Variants in CNTNAP2 observed in about 807,000 individuals in gnomAD.
CNTNAP2 encodes the protein contactin-associated protein-like 2.
CNTNAP2 carries 98 observed loss-of-function variants against 155.2 expected under a neutral mutation model. The ratio of observed to expected loss-of-function variants is 0.63; its 90% confidence interval spans 0.54 to 0.75. CNTNAP2 has a LOEUF of 0.75. CNTNAP2 is among the 30% of genes least tolerant of loss of function. CNTNAP2 has a pLI of 0.00. For missense variants in CNTNAP2, 1,727 were observed against 1,688.1 expected, an observed-to-expected ratio of 1.02 and a Z score of -0.40; for synonymous variants, 651 against 631.2, an observed-to-expected ratio of 1.03 and a Z score of -0.47.
intron 21 of CNTNAP2, among the ~76,000 whole-genome samples, chr7:148,361,453 G>C (rs1377100733): frequency 6.6e-6 from 1 of 152,158 alleles, no homozygotes; most frequent in Non-Finnish European, 1.5e-5. Context: ...TCTGAAATCA[G>C]GGTGTCAGTA....
At chr7:147,202,797 G>T (rs541409710) in intron 8 of CNTNAP2, among the ~76,000 whole-genome samples, 20 of 151,966 alleles carry the variant, frequency 1.3e-4, no homozygotes, top group African/African-American at 3.4e-4. Context: ...GGGCCTGTAG[G>T]GGGGTAGGGG....
rs181342120 is a variant in CNTNAP2, at chr7:147,541,018, C to A, written c.1778-21120C>A. Reference sequence around the variant, plus strand: ...AACTGCAATAACTTAGAATGATTTCCACTAAAGATACTTAAAATAAAATGA... The same window carrying A: ...AACTGCAATAACTTAGAATGATTTCAACTAAAGATACTTAAAATAAAATGA... On this transcript the variant is annotated intron_variant, in intron 11 of 23. Transcript: ENST00000361727. 2.4e-4 allele frequency among the ~76,000 whole-genome samples: 37 copies of A among 152,222 alleles called. 1 individual carries two copies. Among genetic ancestry groups the A allele is most frequent in the Admixed American group, 6.5e-4 (10 of 15,286 alleles).
intron 15 of CNTNAP2, among the ~76,000 whole-genome samples, chr7:148,012,297 T>G (rs1802095434): frequency 6.6e-6 from 1 of 152,252 alleles, no homozygotes; most frequent in African/African-American, 2.4e-5. Flanking sequence ...AGACACTTGT[T>G]AATTTTTATG....
At chr7:146,858,581 C>T (rs535477989) in intron 3 of CNTNAP2, among the ~76,000 whole-genome samples, 1 of 152,134 alleles carries the variant, frequency 6.6e-6, no homozygotes, top group Non-Finnish European at 1.5e-5. Context: ...GTAGTTCCAG[C>T]TCCTCATGAG....
intron 3 of CNTNAP2, among the ~76,000 whole-genome samples, chr7:146,997,363 T>C (rs1327612402): frequency 2.6e-5 from 4 of 152,182 alleles, no homozygotes; most frequent in Non-Finnish European, 5.9e-5. Flanking sequence ...GTTAGTGTGA[T>C]GTGTCACATT....
chr7:146,504,954 C>T (rs373201871), intron 1 of CNTNAP2, among the ~76,000 whole-genome samples: 5 of 152,242 alleles, frequency 3.3e-5, no homozygotes, highest in South Asian at 4.1e-4. Flanking sequence ...AACCACCCCA[C>T]GGTGACATTA....
At chr7:148,033,375 TG>T (rs1387145386) in intron 15 of CNTNAP2, among the ~76,000 whole-genome samples, 1 of 145,142 alleles carries the variant, frequency 6.9e-6, no homozygotes, top group Admixed American at 6.9e-5. Flanking sequence ...AAAAAAAAAA[TG>T]GGATACATGT....
chr7:146,656,141 A>G (rs1470815123), intron 1 of CNTNAP2, among the ~76,000 whole-genome samples: 2 of 152,192 alleles, frequency 1.3e-5, no homozygotes, highest in Non-Finnish European at 2.9e-5. Context: ...ACAACCTTCA[A>G]TCATTCTGAC....
rs562970978 is a variant in CNTNAP2 at position 147,990,800 on chromosome 7, C to A, written c.2383+12811C>A. On this transcript the variant is annotated intron_variant, in intron 15 of 23. Transcript: ENST00000361727. ...CACCAACCAGTGACGCTCACCCAGG[C>A]TTTGGGTGTTCAATGATTTATTGGG... is the stretch of plus-strand genomic sequence containing the variant. Among the ~76,000 whole-genome samples, 73 of 152,228 alleles carry A rather than the reference C, an allele frequency of 4.8e-4. 2 individuals are homozygous for A. In the South Asian group the frequency reaches 0.014, roughly 29 times the overall value.
At chr7:146,638,413 A>C (rs1285529863) in intron 1 of CNTNAP2, among the ~76,000 whole-genome samples, 2 of 151,772 alleles carry the variant, frequency 1.3e-5, no homozygotes, top group Non-Finnish European at 2.9e-5. Flanking sequence ...TAGCATATTA[A>C]AATATGCAGA....
chr7:146,609,378 C>T (rs888404266), intron 1 of CNTNAP2, among the ~76,000 whole-genome samples: 13 of 152,056 alleles, frequency 8.5e-5, no homozygotes, highest in Non-Finnish European at 1.5e-4. Flanking sequence ...TTATATTTTT[C>T]TTCCACATAG....
At chr7:148,109,317 A>C (rs571824447) in intron 15 of CNTNAP2, among the ~76,000 whole-genome samples, 2 of 152,152 alleles carry the variant, frequency 1.3e-5, no homozygotes, top group South Asian at 4.1e-4. Context: ...TCACCACCCA[A>C]TAAGAGATGC....
chr7:148,217,205 C>G, intron 18 of CNTNAP2, 83 bp from the exon 19 acceptor site: 11 of 1,382,090 alleles, frequency 8.0e-6, no homozygotes, highest in Non-Finnish European at 1.1e-5. Flanking sequence ...TGCCTGCACT[C>G]CATGAACTGC....
chr7:147,629,994 A>G (rs1203730918), intron 12 of CNTNAP2, among the ~76,000 whole-genome samples: 1 of 152,086 alleles, frequency 6.6e-6, no homozygotes, highest in Non-Finnish European at 1.5e-5. Flanking sequence ...AACTAAATGA[A>G]ATACAAACAA....
rs550748106 is a variant in CNTNAP2, at chr7:148,081,051, T to A, written c.2384-37067T>A. On this transcript the variant is annotated intron_variant, in intron 15 of 23. Transcript: ENST00000361727. The stretch of plus-strand genomic sequence containing the variant: ...TTGAGCATTTATATCATGCATCTGC[T>A]AAGTACTGCAATGGAAACAAGGATA... Among the ~76,000 whole-genome samples, 352 of 152,334 alleles carry A rather than the reference T, an allele frequency of 2.3e-3. 1 individual carries two copies. Among genetic ancestry groups the A allele is most frequent in the African/African-American group, 8.0e-3 (334 of 41,572 alleles).
intron 12 of CNTNAP2, among the ~76,000 whole-genome samples, chr7:147,638,086 G>A (rs867965895): frequency 2.6e-5 from 4 of 152,214 alleles, no homozygotes; most frequent in Admixed American, 1.3e-4. Flanking sequence ...ATAAAATTAA[G>A]GATTTAAATA....
chr7:146,820,023 A>G (rs896268529), intron 2 of CNTNAP2, among the ~76,000 whole-genome samples: 1 of 152,210 alleles, frequency 6.6e-6, no homozygotes, highest in Non-Finnish European at 1.5e-5. Flanking sequence ...TTCTTCACCA[A>G]ATAAAACAAT....
chr7:147,885,286 G>A (rs564124025), intron 13 of CNTNAP2, among the ~76,000 whole-genome samples: 1 of 152,222 alleles, frequency 6.6e-6, no homozygotes, highest in South Asian at 2.1e-4. Context: ...GGACTCTCCT[G>A]GTCGTGTCTT....
chr7:147,208,075 A>C (rs1360585518), intron 8 of CNTNAP2, among the ~76,000 whole-genome samples: 2 of 152,174 alleles, frequency 1.3e-5, no homozygotes, highest in Non-Finnish European at 2.9e-5. Flanking sequence ...CAAGCAGTAC[A>C]TGAACATATT....
Sources: allele counts gnomAD v4.1 joint callset (sites outside exome capture counted in the v4.1 genomes callset), GRCh38; gene constraint gnomAD v4.1.1; transcripts MANE v1.5; gene names NCBI Gene and HGNC (gene_info 2026-07-23, HGNC 2026-07-21).